The following UBAP1 variants were observed in gnomAD, a reference collection of about 807,000 sequenced individuals.
The protein encoded by UBAP1 is ubiquitin associated protein 1.
In UBAP1, 5 loss-of-function variants were observed where a neutral mutation model predicts 39.0. That is an observed-to-expected ratio of 0.13 (90% CI 0.07 to 0.27). The LOEUF (loss-of-function observed/expected upper bound fraction) is 0.27, where lower values mean the gene tolerates loss of function less well. UBAP1 is among the 10% of genes least tolerant of loss of function. The pLI is 1.00. For synonymous variants in UBAP1, 211 were observed against 225.1 expected, an observed-to-expected ratio of 0.94 and a Z score of 0.56; for missense variants, 490 against 608.1, an observed-to-expected ratio of 0.81 and a Z score of 2.04.
intron 1 of UBAP1, among the ~76,000 whole-genome samples, chr9:34,218,182 G>T (rs1325855792): frequency 6.9e-6 from 1 of 145,134 alleles, no homozygotes; most frequent in Non-Finnish European, 1.5e-5. Context: ...AACCCGGGAG[G>T]CGGTGGTTGC....
At chr9:34,192,753 A>T (rs1441302954) in intron 1 of UBAP1, among the ~76,000 whole-genome samples, 1 of 152,036 alleles carries the variant, frequency 6.6e-6, no homozygotes, top group Non-Finnish European at 1.5e-5. Context: ...GTATTTTTTT[A>T]AAATCACAAG....
At chr9:34,251,164 C>G (rs1046452135) in intron 6 of UBAP1, among the ~76,000 whole-genome samples, 1 of 152,186 alleles carries the variant, frequency 6.6e-6, no homozygotes, top group Non-Finnish European at 1.5e-5. Context: ...TGAGCTGGGA[C>G]TGGGCTGACT....
chr9:34,212,895 C>T (rs1269317815), intron 1 of UBAP1, among the ~76,000 whole-genome samples: 7 of 151,868 alleles, frequency 4.6e-5, no homozygotes, highest in African/African-American at 1.7e-4. Flanking sequence ...AGGACATAAC[C>T]AAAAAAGAAA....
intron 1 of UBAP1, among the ~76,000 whole-genome samples, chr9:34,198,567 G>A (rs529725014): frequency 2.0e-5 from 3 of 152,218 alleles, no homozygotes; most frequent in African/African-American, 7.2e-5. Flanking sequence ...GCCGCAGATG[G>A]GCAGAGCTGG....
intron 4 of UBAP1, among the ~76,000 whole-genome samples, chr9:34,247,322 T>A (rs913597068): frequency 2.6e-5 from 4 of 152,226 alleles, no homozygotes; most frequent in African/African-American, 7.2e-5. Flanking sequence ...TTAGGATAGA[T>A]GATACTTTTA....
chr9:34,235,149 G>A (rs1833622414), intron 3 of UBAP1, among the ~76,000 whole-genome samples: 1 of 152,042 alleles, frequency 6.6e-6, no homozygotes, highest in South Asian at 2.1e-4. Context: ...AAAGAAAAAT[G>A]TTTTGGAAGA....
intron 4 of UBAP1, among the ~76,000 whole-genome samples, chr9:34,249,314 TAG>T (rs1243729960): frequency 6.6e-6 from 1 of 152,124 alleles, no homozygotes; most frequent in Non-Finnish European, 1.5e-5. Flanking sequence ...GACTTTGGGA[TAG>T]AGTTAGCTCC....
chr9:34,184,055 A>G (rs921786885), intron 1 of UBAP1, among the ~76,000 whole-genome samples: 1 of 151,864 alleles, frequency 6.6e-6, no homozygotes, highest in African/African-American at 2.4e-5. Context: ...CAGGTGTGAG[A>G]TAGCGCTCCC....
At chr9:34,191,825 C>T (rs1450830116) in intron 1 of UBAP1, 1 of 152,328 alleles carries the variant, frequency 6.6e-6, no homozygotes, top group African/African-American at 2.4e-5. Flanking sequence ...AGGAATCTTC[C>T]TGCTGAGGCC....
intron 2 of UBAP1, chr9:34,224,232 C>T: frequency 2.0e-6 from 1 of 493,846 alleles, no homozygotes; most frequent in Non-Finnish European, 3.7e-6. Context: ...GTCAGCTTGT[C>T]TCCTTTCTTG....
At chr9:34,183,632 T>A (rs1395819104) in intron 1 of UBAP1, among the ~76,000 whole-genome samples, 2 of 151,634 alleles carry the variant, frequency 1.3e-5, no homozygotes, top group African/African-American at 2.4e-5. Context: ...GAAAAGAAGC[T>A]TAGAAATCAC....
chr9:34,204,402 G>A (rs942174114), intron 1 of UBAP1, among the ~76,000 whole-genome samples: 1 of 152,022 alleles, frequency 6.6e-6, no homozygotes, highest in Admixed American at 6.6e-5. Context: ...GGTGTGGATT[G>A]TATATACTTG....
At chr9:34,180,795 C>CT (rs11285458) in intron 1 of UBAP1, among the ~76,000 whole-genome samples, 1,584 of 144,250 alleles carry the variant, frequency 0.011, 16 homozygotes, top group African/African-American at 0.029. Context: ...GGAAAAAAAA[C>CT]TTTTTTTTTT....
At chr9:34,226,067 TAAAC>T (rs1324209401) in intron 2 of UBAP1, among the ~76,000 whole-genome samples, 1 of 149,010 alleles carries the variant, frequency 6.7e-6, no homozygotes, top group Non-Finnish European at 1.5e-5. Context: ...CATTAAGGCA[TAAAC>T]ATTCATTACC....
Position 34,251,864 on chromosome 9 carries a change from G to T in UBAP1, c.*332G>T. On this transcript the variant is annotated 3_prime_UTR_variant, in exon 7 of 7. Transcript: ENST00000297661. ...ATGTCCTCAGCTGAAGCCTGGCCTA[G>T]TTGCTGAGAGGGGCTGGGGAGATGG... The T allele has an allele frequency of 5.4e-6, 1 of 185,016 alleles. No homozygotes were observed. Among genetic ancestry groups the T allele is most frequent in the Non-Finnish European group, 1.1e-5 (1 of 87,308 alleles). 11.5% of individuals were successfully genotyped at this position (185,016 alleles called of 1,614,324 possible).
rs117424829 is a variant in UBAP1, at chr9:34,250,560, G to C, written c.1267-98G>C. On this transcript the variant is annotated intron_variant, in intron 5 of 6. Coordinates refer to ENST00000297661, the MANE Select transcript of UBAP1 (RefSeq NM_016525.5). ...TATCCAGTATCTGACGGCCTGGGTG[G>C]GGCGGAGAACGGACTTCACACACTA... 287 of 882,680 alleles carry C rather than the reference G, an allele frequency of 3.3e-4. 2 individuals are homozygous for C. The East Asian group carries it at 6.6e-3, about 20-fold the overall frequency. 54.7% of individuals were successfully genotyped at this position (882,680 alleles called of 1,614,324 possible).
At chr9:34,186,650 AT>A (rs541188010) in intron 1 of UBAP1, among the ~76,000 whole-genome samples, 81 of 151,830 alleles carry the variant, frequency 5.3e-4, no homozygotes, top group African/African-American at 1.9e-3. Context: ...TTCGTTGGTC[AT>A]TTGTGCTTCT....
At chr9:34,205,394 C>G (rs771331172) in intron 1 of UBAP1, among the ~76,000 whole-genome samples, 1 of 152,172 alleles carries the variant, frequency 6.6e-6, no homozygotes, top group African/African-American at 2.4e-5. Context: ...GGTAGTCTCA[C>G]AAGACTTATA....
chr9:34,225,562 G>A (rs1323018039), intron 2 of UBAP1, among the ~76,000 whole-genome samples: 2 of 151,788 alleles, frequency 1.3e-5, no homozygotes, highest in Non-Finnish European at 2.9e-5. Context: ...CGGATCATGA[G>A]GTCAGGAGAT....
Sources: gnomAD v4.1 joint callset for allele counts (sites outside exome capture counted in the v4.1 genomes callset) on GRCh38, gnomAD v4.1.1 for gene constraint, MANE v1.5 for transcripts, NCBI Gene and HGNC (gene_info 2026-07-23, HGNC 2026-07-21) for gene names.